Variants in EYA4 observed in about 807,000 individuals in gnomAD.
EYA4 encodes the protein protein phosphatase EYA4.
In EYA4, 31 loss-of-function variants were observed where a neutral mutation model predicts 87.9. The ratio of observed to expected loss-of-function variants is 0.35; its 90% CI spans 0.27 to 0.48. The LOEUF (loss-of-function observed/expected upper bound fraction) is 0.48. EYA4 is among the 20% of genes least tolerant of loss of function. The pLI is 0.99. For synonymous variants in EYA4, 263 were observed against 270.6 expected (o/e 0.97, Z 0.28); for missense variants, 678 against 761.4 (o/e 0.89, Z 1.29).
intron 1 of EYA4, among the ~76,000 whole-genome samples, chr6:133,258,213 G>A (rs566250466): frequency 6.6e-5 from 10 of 152,174 alleles, no homozygotes; most frequent in Admixed American, 5.2e-4. Context: ...GAGTGGGGAC[G>A]AGGAAAAACC....
intron 2 of EYA4, among the ~76,000 whole-genome samples, chr6:133,322,724 A>G (rs1781188458): frequency 6.6e-6 from 1 of 152,192 alleles, no homozygotes; most frequent in Non-Finnish European, 1.5e-5. Context: ...ACTATAACCT[A>G]CTATAATTCC....
At chr6:133,527,178 G>A (rs1339552842) in intron 19 of EYA4, among the ~76,000 whole-genome samples, 2 of 152,178 alleles carry the variant, frequency 1.3e-5, no homozygotes, top group African/African-American at 2.4e-5. Flanking sequence ...AGAGGTGATT[G>A]GTTTCTCTAG....
At chr6:133,351,051 C>G (rs1783602182) in intron 2 of EYA4, among the ~76,000 whole-genome samples, 1 of 150,986 alleles carries the variant, frequency 6.6e-6, no homozygotes, top group South Asian at 2.1e-4. Flanking sequence ...TGGCTGTTGA[C>G]TGTCTGGGTT....
intron 14 of EYA4, among the ~76,000 whole-genome samples, chr6:133,512,193 G>A (rs562362037): frequency 8.8e-4 from 134 of 152,256 alleles, no homozygotes; most frequent in African/African-American, 3.1e-3. Flanking sequence ...CTAGGACCTT[G>A]AAATAACACC....
At chr6:133,333,665 A>G (rs1317773277) in intron 2 of EYA4, among the ~76,000 whole-genome samples, 1 of 152,218 alleles carries the variant, frequency 6.6e-6, no homozygotes, top group Non-Finnish European at 1.5e-5. Flanking sequence ...TATTTTAGCC[A>G]CAGCAATGTC....
chr6:133,334,598 G>A (rs73557802), intron 2 of EYA4, among the ~76,000 whole-genome samples: 2,191 of 152,224 alleles, frequency 0.014, 55 homozygotes, highest in African/African-American at 0.049. Flanking sequence ...GCACAAACTC[G>A]AAGTTGTATT....
intron 6 of EYA4, 97 bp from the exon 7 acceptor site, chr6:133,461,017 A>G: frequency 1.2e-6 from 1 of 849,114 alleles, no homozygotes. Context: ...GGAAACATGT[A>G]TTTAACATGG....
At chr6:133,446,527 A>G in intron 3 of EYA4, 103 bp from the exon 4 acceptor site, 1 of 1,343,172 alleles carries the variant, frequency 7.4e-7, no homozygotes, top group Non-Finnish European at 1.1e-6. Flanking sequence ...ACTGGTTTTA[A>G]TTATTACTGT....
chr6:133,289,164 A>T (rs933261522), intron 2 of EYA4, among the ~76,000 whole-genome samples: 1 of 152,194 alleles, frequency 6.6e-6, no homozygotes, highest in Non-Finnish European at 1.5e-5. Context: ...GATGAGGTTA[A>T]TGGAGAACAG....
intron 3 of EYA4, among the ~76,000 whole-genome samples, chr6:133,386,813 A>G (rs1164687764): frequency 2.6e-5 from 4 of 152,182 alleles, no homozygotes; most frequent in Non-Finnish European, 4.4e-5. Flanking sequence ...CTTAAAATAT[A>G]GGAAGAACTT....
At chr6:133,400,209 G>A (rs368825268) in intron 3 of EYA4, among the ~76,000 whole-genome samples, 5 of 152,208 alleles carry the variant, frequency 3.3e-5, no homozygotes. Context: ...ATACAGATGC[G>A]AGTTAGAAAA....
At chr6:133,516,888 G>A (rs1365781944) in intron 17 of EYA4, among the ~76,000 whole-genome samples, 1 of 152,080 alleles carries the variant, frequency 6.6e-6, no homozygotes, top group Non-Finnish European at 1.5e-5. Flanking sequence ...TGGTGTACAT[G>A]TACCACATTT....
intron 3 of EYA4, among the ~76,000 whole-genome samples, chr6:133,383,731 A>G (rs937427098): frequency 3.3e-5 from 5 of 152,090 alleles, no homozygotes; most frequent in Non-Finnish European, 5.9e-5. Flanking sequence ...ATATGATATG[A>G]TATCAGATTT....
intron 1 of EYA4, among the ~76,000 whole-genome samples, chr6:133,267,945 T>C (rs930981927): frequency 2.0e-5 from 3 of 152,110 alleles, no homozygotes; most frequent in African/African-American, 7.2e-5. Flanking sequence ...AAAATGACAT[T>C]GTTACTAGCA....
intron 13 of EYA4, among the ~76,000 whole-genome samples, chr6:133,494,101 A>G (rs1248498457): frequency 1.3e-5 from 2 of 152,198 alleles, no homozygotes; most frequent in Non-Finnish European, 2.9e-5. Flanking sequence ...GGAAATCAGT[A>G]TATCAAAGAG....
intron 1 of EYA4, among the ~76,000 whole-genome samples, chr6:133,264,608 A>G (rs911291802): frequency 1.4e-4 from 21 of 152,196 alleles, no homozygotes; most frequent in Admixed American, 6.5e-4. Context: ...TGGAGAGCAA[A>G]TGGGCAGGGA....
intron 2 of EYA4, among the ~76,000 whole-genome samples, chr6:133,346,379 A>C (rs1218718956): frequency 6.6e-6 from 1 of 152,208 alleles, no homozygotes; most frequent in East Asian, 1.9e-4. Flanking sequence ...AAAGACTAGT[A>C]GTCAGACGAA....
intron 3 of EYA4, among the ~76,000 whole-genome samples, chr6:133,395,020 G>A (rs1258635404): frequency 6.6e-6 from 1 of 152,076 alleles, no homozygotes; most frequent in African/African-American, 2.4e-5. Context: ...TATACAAAAT[G>A]ATCCCATTAA....
chr6:133,403,815 T>C (rs1465882390), intron 3 of EYA4, among the ~76,000 whole-genome samples: 1 of 152,178 alleles, frequency 6.6e-6, no homozygotes, highest in African/African-American at 2.4e-5. Flanking sequence ...TGTTTGTTTG[T>C]GTGTTTTTCT....
Sources: gnomAD v4.1 joint callset for allele counts (sites outside exome capture counted in the v4.1 genomes callset) on GRCh38, gnomAD v4.1.1 for gene constraint, MANE v1.5 for transcripts, NCBI Gene and HGNC (gene_info 2026-07-23, HGNC 2026-07-21) for gene names.